ZBED1: variants seen among roughly 807,000 people sequenced by gnomAD.
ZBED1 encodes the protein E3 SUMO-protein ligase ZBED1.
Under a neutral mutation model 49.7 loss-of-function variants are expected in ZBED1, and 19 were observed. That is an observed-to-expected ratio of 0.38 (90% CI 0.27 to 0.56). The LOEUF (loss-of-function observed/expected upper bound fraction) is 0.56. Among genes scored for constraint, ZBED1 ranks in the 20% least tolerant of loss-of-function variants. ZBED1 has a pLI of 0.70. For synonymous variants in ZBED1, 439 were observed against 440.3 expected, an observed-to-expected ratio of 1.00 and a Z score of 0.04; for missense variants, 806 against 972.6, an observed-to-expected ratio of 0.83 and a Z score of 2.28.
chrX:2,490,697 C>G lies in ZBED1; in HGVS notation c.23G>C (p.Ser8Thr), dbSNP rs2045113816. 1 of 1,613,546 alleles carries G rather than the reference C, an allele frequency of 6.2e-7. No individual in the cohort carries two copies. Among genetic ancestry groups the G allele is most frequent in the African/African-American group, 1.3e-5 (1 of 74,902 alleles). MENKSLE[S>T]SQTDLKLVAH... ...CACCAGCTTCAGGTCTGTCTGGGAGCTCTCCAGGCTTTTATTCTCCATTGC... is the reference window on the plus strand; with the variant it reads ...CACCAGCTTCAGGTCTGTCTGGGAGGTCTCCAGGCTTTTATTCTCCATTGC... Residue 8 changes from serine to threonine, a missense_variant, in exon 2 of 2, where the codon AGC becomes ACC. Coordinates refer to ENST00000652001, the MANE Select transcript of ZBED1 (RefSeq NM_001171136.2).
intron 1 of ZBED1, among the ~76,000 whole-genome samples, chrX:2,491,694 G>A (rs1291168718): frequency 7.2e-5 from 11 of 152,198 alleles, no homozygotes; most frequent in African/African-American, 2.2e-4. Context: ...AGGTGCATCC[G>A]TGATCTGTAA....
rs1230503348 is a variant in ZBED1, at chrX:2,490,032, A to T, written c.688T>A (p.Ser230Thr). 7 of 1,613,802 alleles carry T rather than the reference A, an allele frequency of 4.3e-6. No individual in the cohort carries two copies. Among genetic ancestry groups the T allele is most frequent in the Non-Finnish European group, 5.9e-6 (7 of 1,179,854 alleles). The change falls in exon 2 of 2, where the codon TCC becomes ACC. Residue 230 changes from serine to threonine, a missense_variant. By Grantham distance (58) the Ser-to-Thr change is moderately conservative. Transcript: ENST00000652001. Reference sequence around the variant, plus strand: ...ACCTCGAAGGTCTTCAGGCAGCGGGAGCCCATGGACAGGCAGTTGGGGGCG... The same window carrying T: ...ACCTCGAAGGTCTTCAGGCAGCGGGTGCCCATGGACAGGCAGTTGGGGGCG... ...LGAPNCLSMG[S>T]RCLKTFEVPE...
intron 1 of ZBED1, among the ~76,000 whole-genome samples, chrX:2,498,023 T>C (rs776310442): frequency 6.6e-6 from 1 of 152,334 alleles, no homozygotes; most frequent in Admixed American, 6.5e-5. Context: ...AATTTGCTTC[T>C]AAACCCCCTC....
Position 2,486,618 on chromosome X carries a change from A to C in ZBED1, c.*2017T>G, listed in dbSNP as rs960954434. On this transcript the variant is annotated 3_prime_UTR_variant, in exon 2 of 2. Coordinates refer to ENST00000652001, the MANE Select transcript of ZBED1 (RefSeq NM_001171136.2). ...ACGTGAAGAGAACGCTGGCAATGCTACAGAATGGAGCCCACGGAGGCGTGG... is the reference window on the plus strand; with the variant it reads ...ACGTGAAGAGAACGCTGGCAATGCTCCAGAATGGAGCCCACGGAGGCGTGG... 5.9e-5 allele frequency: 9 copies of C among 152,216 alleles called. No homozygotes were observed. The highest frequency in any genetic ancestry group is 2.2e-4 in the African/African-American group (9 of 41,462). 9.4% of individuals were successfully genotyped at this position (152,216 alleles called of 1,614,324 possible).
rs182618423 is a variant in ZBED1, at chrX:2,487,117, T to G, written c.*1518A>C. On this transcript the variant is annotated 3_prime_UTR_variant, in exon 2 of 2. Transcript: ENST00000652001. ...CCAGTTAAAAAGCAGTTCTACATGTTGGAAAACGTCTTTCTGTTTCCCTGA... is the reference window on the plus strand; with the variant it reads ...CCAGTTAAAAAGCAGTTCTACATGTGGGAAAACGTCTTTCTGTTTCCCTGA... 9.0e-4 allele frequency: 137 copies of G among 152,360 alleles called. No homozygotes were observed. Among genetic ancestry groups the G allele is most frequent in the African/African-American group, 2.9e-3 (121 of 41,584 alleles). The allele number at this position is 152,360 out of a possible 1,614,324, so 9.4% of individuals were successfully genotyped here.
At position 2,488,898 on chromosome X, in the gene ZBED1, A is replaced by G; in HGVS notation, c.1822T>C (p.Tyr608His). The change falls in exon 2 of 2, where the codon TAC becomes CAC. Residue 608 changes from tyrosine (Y) to histidine (H), a missense_variant. Tyr to His is a moderately conservative substitution (Grantham distance 83). Coordinates refer to ENST00000652001, the MANE Select transcript of ZBED1 (RefSeq NM_001171136.2). ...FPLLPKVLQK[Y>H]WCVTATRVAP... is the part of the protein sequence containing the mutation. Reference sequence around the variant, plus strand: ...ACGCGCGTGGCCGTCACGCACCAGTACTTCTGCAGCACCTTGGGCAGCAGG... The same window carrying G: ...ACGCGCGTGGCCGTCACGCACCAGTGCTTCTGCAGCACCTTGGGCAGCAGG... 6.2e-7 allele frequency: 1 copy of G among 1,609,332 alleles called. No individual in the cohort carries two copies. The highest frequency in any genetic ancestry group is 1.1e-5 in the South Asian group (1 of 90,452).
In ZBED1 at chrX:2,489,288, G is replaced by A. The variant is rs778953548; in HGVS notation, c.1432C>T (p.Arg478Cys). The change falls in exon 2 of 2, where the codon CGC (arginine) becomes TGC (cysteine). Residue 478 changes from arginine (R) to cysteine (C), a missense_variant. Physicochemically the swap from Arg to Cys is radical, Grantham distance 180 (BLOSUM62 -3). This residue lies in a region of ZBED1 where 749 missense variants were observed against 861.3 expected (regional missense o/e 0.87). Coordinates refer to ENST00000652001, the MANE Select transcript of ZBED1 (RefSeq NM_001171136.2). Reference sequence around the variant, plus strand: ...GAGAGGAAGGGCAGCCTCTTGTAGCGGGGGTCCAGGAAGGTGGCCACGTTG... The same window carrying A: ...GAGAGGAAGGGCAGCCTCTTGTAGCAGGGGTCCAGGAAGGTGGCCACGTTG... ...FLNVATFLDP[R>C]YKRLPFLSAF... The A allele has an allele frequency of 5.6e-6, 9 of 1,613,810 alleles. No individual in the cohort carries two copies. The African/African-American group carries it at 9.3e-5, about 17-fold the overall frequency.
intron 1 of ZBED1, among the ~76,000 whole-genome samples, chrX:2,498,708 G>A (rs1488491199): frequency 6.6e-6 from 1 of 151,818 alleles, no homozygotes; most frequent in Non-Finnish European, 1.5e-5. Flanking sequence ...TTGGTGAGCT[G>A]CTGCAGGAAC....
chrX:2,494,611 A>G (rs1290144623), intron 1 of ZBED1, among the ~76,000 whole-genome samples: 1 of 151,880 alleles, frequency 6.6e-6, no homozygotes, highest in Non-Finnish European at 1.5e-5. Context: ...ACTTCAGTCA[A>G]AGGTTTATGT....
Position 2,489,224 on chromosome X carries a change from T to C in ZBED1, c.1496A>G (p.Glu499Gly). 1 of 1,613,818 alleles carries C rather than the reference T, an allele frequency of 6.2e-7. No individual in the cohort carries two copies. Among genetic ancestry groups the C allele is most frequent in the Non-Finnish European group, 8.5e-7 (1 of 1,179,828 alleles). ...CTTGTCCAGCAGGCCCTTGGCCTCTTCCACCACGCGATTCTCCACCTGCTG... is the reference window on the plus strand; with the variant it reads ...CTTGTCCAGCAGGCCCTTGGCCTCTCCCACCACGCGATTCTCCACCTGCTG... ...ERQQVENRVV[E>G]EAKGLLDKVK... The change falls in exon 2 of 2, where the codon GAA becomes GGA. Residue 499 changes from glutamate to glycine, a missense_variant. Transcript: ENST00000652001.
chrX:2,492,203 G>A (rs1253234738), intron 1 of ZBED1, among the ~76,000 whole-genome samples: 2 of 152,206 alleles, frequency 1.3e-5, no homozygotes, highest in Non-Finnish European at 2.9e-5. Context: ...CTTTGCAGAT[G>A]TATTAATAAT....
chrX:2,496,867 AATT>A (rs1471337558), intron 1 of ZBED1, among the ~76,000 whole-genome samples: 1 of 148,880 alleles, frequency 6.7e-6, no homozygotes, highest in Non-Finnish European at 1.5e-5. Flanking sequence ...GAAAAGTATA[AATT>A]ATTCTAAAAA....
At position 2,495,964 on chromosome X, in the gene ZBED1, G is replaced by A. The variant is rs1417812873; in HGVS notation, c.-54+4853C>T. ...CCGCCATCCGTCCCTTTATGGATGAGACTGACAAAACCCTAAAACTCAGCC... is the reference window on the plus strand; with the variant it reads ...CCGCCATCCGTCCCTTTATGGATGAAACTGACAAAACCCTAAAACTCAGCC... On this transcript the variant is annotated intron_variant, in intron 1 of 1. Transcript: ENST00000652001. 1.5e-4 allele frequency among the ~76,000 whole-genome samples: 23 copies of A among 152,210 alleles called. 1 individual carries two copies. Among genetic ancestry groups the A allele is most frequent in the African/African-American group, 4.8e-4 (20 of 41,526 alleles).
At chrX:2,493,155 A>T (rs1046391916) in intron 1 of ZBED1, among the ~76,000 whole-genome samples, 1 of 152,160 alleles carries the variant, frequency 6.6e-6, no homozygotes, top group South Asian at 2.1e-4. Flanking sequence ...AATGAATAAC[A>T]TGACCGGGAC....
In ZBED1 at chrX:2,490,159, C is replaced by T. The variant is rs145197630; in HGVS notation, c.561G>A (p.Glu187=). Residue 187 remains glutamate, a synonymous_variant, in exon 2 of 2, where the codon GAG becomes GAA. Transcript: ENST00000652001. ...YGAVREVILK[E]LAEATWCGIS... The stretch of plus-strand genomic sequence containing the variant: ...TGCCACACCAGGTGGCCTCGGCCAG[C>T]TCCTTCAGGATCACCTCCCGGACGG... The T allele has an allele frequency of 2.2e-4, 350 of 1,613,986 alleles. 2 individuals are homozygous for T. The African/African-American group carries it at 3.9e-3, about 18-fold the overall frequency.
intron 1 of ZBED1, among the ~76,000 whole-genome samples, chrX:2,495,576 G>A (rs182749032): frequency 9.6e-4 from 145 of 151,372 alleles, no homozygotes; most frequent in African/African-American, 3.1e-3. Context: ...GTAAAGAACC[G>A]TCCACACAGT....
rs771759980 is a variant in ZBED1, at chrX:2,489,497, G to A, written c.1223C>T (p.Ala408Val). ...GTACCTGGAGGCCGACAGCATCTCG[G>A]CCACCTGCTTGAAGGGCTGCAGGAG... The part of the protein sequence containing the change: ...VELLQPFKQV[A>V]EMLSASRYPT... The change falls in exon 2 of 2, where the codon GCC becomes GTC. Residue 408 changes from alanine to valine, a missense_variant. Transcript: ENST00000652001. 28 of 1,613,364 alleles carry A rather than the reference G, an allele frequency of 1.7e-5. No homozygotes were observed. Among genetic ancestry groups the A allele is most frequent in the Non-Finnish European group, 2.4e-5 (28 of 1,179,858 alleles).
In ZBED1 at chrX:2,490,006, C is replaced by T. The variant is rs779967592; in HGVS notation, c.714G>A (p.Val238=). The change falls in exon 2 of 2, where the codon GTG becomes GTA. Residue 238 remains valine, a synonymous_variant. Coordinates refer to ENST00000652001, the MANE Select transcript of ZBED1 (RefSeq NM_001171136.2). The stretch of plus-strand genomic sequence containing the variant: ...TGGTCTCCGCCGTGTTCTCTTCGGG[C>T]ACCTCGAAGGTCTTCAGGCAGCGGG... The part of the protein sequence containing the change: ...MGSRCLKTFE[V]PEENTAETIT... 1.2e-6 allele frequency: 2 copies of T among 1,613,760 alleles called. No homozygotes were observed. Among genetic ancestry groups the T allele is most frequent in the Admixed American group, 1.7e-5 (1 of 60,000 alleles).
chrX:2,500,943 C>T lies in ZBED1; in HGVS notation c.-180G>A. ...GGCGACATGGCTGCCCCGGCCGCGCCGCCGCCGCTTCCGCGCCGCCCGCGG... is the reference window on the plus strand; with the variant it reads ...GGCGACATGGCTGCCCCGGCCGCGCTGCCGCCGCTTCCGCGCCGCCCGCGG... On this transcript the variant is annotated 5_prime_UTR_variant, in exon 1 of 2. Transcript: ENST00000652001. 1.9e-6 allele frequency: 2 copies of T among 1,043,262 alleles called. No individual in the cohort carries two copies. Among genetic ancestry groups the T allele is most frequent in the Non-Finnish European group, 1.2e-6 (1 of 868,082 alleles). The allele number at this position is 1,043,262 out of a possible 1,614,324, so 64.6% of individuals were successfully genotyped here.
Sources: allele counts gnomAD v4.1 joint callset (sites outside exome capture counted in the v4.1 genomes callset), GRCh38; gene constraint gnomAD v4.1.1; regional missense constraint gnomAD v4.1.1; transcripts MANE v1.5; gene names NCBI Gene and HGNC (gene_info 2026-07-23, HGNC 2026-07-21).